Variants in BMPER observed in about 807,000 individuals in gnomAD.
BMPER encodes the protein BMP binding endothelial regulator.
In BMPER, 45 loss-of-function variants were observed where a neutral mutation model predicts 87.3. The ratio of observed to expected loss-of-function variants is 0.52; its 90% CI spans 0.41 to 0.66. BMPER has a LOEUF of 0.66. Ranked by LOEUF, BMPER falls within the 30% of genes least tolerant of loss-of-function variation. The pLI is 0.00. For synonymous variants in BMPER, 326 were observed against 316.2 expected (o/e 1.03, Z -0.33); for missense variants, 784 against 867.5 (o/e 0.90, Z 1.21).
intron 13 of BMPER, among the ~76,000 whole-genome samples, chr7:34,120,357 C>CA (rs139397829): frequency 0.033 from 4,904 of 147,226 alleles, 343 homozygotes; most frequent in East Asian, 0.32. Context: ...TTCAAAAAAG[C>CA]AAAAAAAAAT....
At chr7:34,073,823 A>G (rs747638642) in intron 11 of BMPER, among the ~76,000 whole-genome samples, 21 of 152,240 alleles carry the variant, frequency 1.4e-4, no homozygotes, top group Non-Finnish European at 2.1e-4. Context: ...TTTAGAGGAA[A>G]TAGACGACTT....
chr7:34,132,369 C>T (rs1306596332), intron 13 of BMPER, among the ~76,000 whole-genome samples: 1 of 152,082 alleles, frequency 6.6e-6, no homozygotes, highest in Non-Finnish European at 1.5e-5. Context: ...AGGATCGAAG[C>T]CAGTTCTGCC....
At chr7:33,936,166 T>C (rs575995381) in intron 2 of BMPER, among the ~76,000 whole-genome samples, 1 of 152,316 alleles carries the variant, frequency 6.6e-6, no homozygotes, top group South Asian at 2.1e-4. Context: ...GAGAATTTTC[T>C]CAAATTTGTT....
At position 33,970,668 on chromosome 7, in the gene BMPER, G is replaced by A. The variant is rs73316021; in HGVS notation, c.493+249G>A. Among the ~76,000 whole-genome samples the A allele has an allele frequency of 6.6e-3, 1,003 of 152,252 alleles. 7 individuals carry two copies. Among genetic ancestry groups the A allele is most frequent in the African/African-American group, 0.023 (942 of 41,540 alleles). Reference sequence around the variant, plus strand: ...CGAGGCCTGCTTTCCACTCCACAGGGCCACAGGTAATGCTTATTTTGGAAG... The same window carrying A: ...CGAGGCCTGCTTTCCACTCCACAGGACCACAGGTAATGCTTATTTTGGAAG... On this transcript the variant is annotated intron_variant, in intron 5 of 14. Transcript: ENST00000649409.
chr7:34,069,116 G>T (rs1028864396), intron 11 of BMPER, among the ~76,000 whole-genome samples: 2 of 152,202 alleles, frequency 1.3e-5, no homozygotes, highest in African/African-American at 4.8e-5. Context: ...AGCCAAGGCT[G>T]CCATGTTGAA....
intron 13 of BMPER, among the ~76,000 whole-genome samples, chr7:34,126,054 A>G (rs1790393991): frequency 6.6e-6 from 1 of 152,234 alleles, no homozygotes; most frequent in African/African-American, 2.4e-5. Flanking sequence ...GCCACCAAAA[A>G]TAACCAAATA....
At chr7:33,910,275 T>G (rs1490727254) in intron 2 of BMPER, among the ~76,000 whole-genome samples, 1 of 152,242 alleles carries the variant, frequency 6.6e-6, no homozygotes, top group Non-Finnish European at 1.5e-5. Context: ...TATGATATTT[T>G]CCCACTTTCT....
chr7:34,011,812 G>A lies in BMPER; in HGVS notation c.577-34494G>A, dbSNP rs141227136. Among the ~76,000 whole-genome samples, 645 of 151,780 alleles carry A rather than the reference G, an allele frequency of 4.2e-3. 7 individuals carry two copies. The highest frequency in any genetic ancestry group is 0.014 in the African/African-American group (586 of 41,456). On this transcript the variant is annotated intron_variant, in intron 6 of 14. Coordinates refer to ENST00000649409, the MANE Select transcript of BMPER (RefSeq NM_001365308.1). ...ATTGCAGCCCAGAATTCAGTGCTTG[G>A]GGTTTTTAAGCCAGTAATATTTTCC...
At chr7:34,047,425 C>T (rs546620877) in intron 7 of BMPER, among the ~76,000 whole-genome samples, 5 of 152,044 alleles carry the variant, frequency 3.3e-5, no homozygotes, top group East Asian at 3.9e-4. Flanking sequence ...ACTACAGGCA[C>T]GTGCCACCAC....
At chr7:34,051,671 T>G (rs947891611) in intron 7 of BMPER, among the ~76,000 whole-genome samples, 190 bp from the exon 8 acceptor site, 2 of 152,222 alleles carry the variant, frequency 1.3e-5, no homozygotes, top group African/African-American at 4.8e-5. Context: ...AACTCTTTTT[T>G]AACAAACTTT....
intron 7 of BMPER, among the ~76,000 whole-genome samples, chr7:34,049,817 A>G (rs575976738): frequency 1.3e-5 from 2 of 152,374 alleles, no homozygotes; most frequent in South Asian, 4.1e-4. Flanking sequence ...ACAGAAATAT[A>G]TCTCTGATGG....
intron 6 of BMPER, among the ~76,000 whole-genome samples, chr7:34,035,140 A>C (rs1585760381): frequency 6.6e-6 from 1 of 152,334 alleles, no homozygotes; most frequent in Non-Finnish European, 1.5e-5. Context: ...GAGCATCATG[A>C]GTTTGAATGA....
At position 34,055,266 on chromosome 7, in the gene BMPER, A is replaced by T. The variant is rs755957772; in HGVS notation, c.890A>T (p.Asp297Val). ...EECLLRVPPE[D>V]IKVCKFGNKI... ...TGCCTCCTACGAGTGCCCCCAGAAG[A>T]CATCAAAGTATGCAAATTTGGCAAC... The change falls in exon 9 of 15, where the codon GAC becomes GTC. Residue 297 changes from aspartate (D) to valine (V), a missense_variant. By Grantham distance (152) the Asp-to-Val change is radical. Coordinates refer to ENST00000649409, the MANE Select transcript of BMPER (RefSeq NM_001365308.1). 6.2e-7 allele frequency: 1 copy of T among 1,614,176 alleles called. No individual in the cohort carries two copies. Among genetic ancestry groups the T allele is most frequent in the Non-Finnish European group, 8.5e-7 (1 of 1,180,038 alleles).
At chr7:34,086,192 G>T (rs1789205114) in intron 13 of BMPER, 100 bp downstream of exon 13, 13 of 1,369,600 alleles carry the variant, frequency 9.5e-6, no homozygotes, top group South Asian at 2.5e-5. Flanking sequence ...CAGGACAAAG[G>T]CTCAAAACCC....
intron 3 of BMPER, among the ~76,000 whole-genome samples, chr7:33,956,402 A>T (rs1785148220): frequency 6.6e-6 from 1 of 152,232 alleles, no homozygotes; most frequent in Non-Finnish European, 1.5e-5. Flanking sequence ...AGGAAAATGC[A>T]GTTAAAACTA....
chr7:33,908,274 T>A (rs1188269128), intron 2 of BMPER, among the ~76,000 whole-genome samples: 1 of 152,236 alleles, frequency 6.6e-6, no homozygotes, highest in Non-Finnish European at 1.5e-5. Context: ...CTTAATCTAT[T>A]AAGATTTCAG....
intron 11 of BMPER, among the ~76,000 whole-genome samples, chr7:34,069,175 G>T (rs911700347): frequency 1.3e-5 from 2 of 152,188 alleles, no homozygotes; most frequent in African/African-American, 4.8e-5. Context: ...TATGTGTGAC[G>T]GAAACTCCTT....
intron 6 of BMPER, among the ~76,000 whole-genome samples, chr7:33,982,768 G>T (rs1431487050): frequency 6.6e-6 from 1 of 152,094 alleles, no homozygotes. Context: ...TCAAATTCTG[G>T]TTTCTTGAAA....
intron 13 of BMPER, among the ~76,000 whole-genome samples, chr7:34,128,215 AT>A (rs1272098009): frequency 6.6e-6 from 1 of 151,972 alleles, no homozygotes; most frequent in Non-Finnish European, 1.5e-5. Context: ...GGTAAAACTT[AT>A]TTTTTTCTTT....
Sources: allele counts gnomAD v4.1 joint callset (sites outside exome capture counted in the v4.1 genomes callset), GRCh38; gene constraint gnomAD v4.1.1; transcripts MANE v1.5; gene names NCBI Gene and HGNC (gene_info 2026-07-23, HGNC 2026-07-21).